The following LDB2 variants were observed in gnomAD, a reference collection of about 807,000 sequenced individuals.
The protein encoded by LDB2 is LIM domain-binding protein 2.
LDB2 carries 12 observed loss-of-function variants against 44.3 expected under a neutral mutation model. The observed-to-expected ratio is 0.27, with a 90% confidence interval of 0.17 to 0.44. The LOEUF is 0.44. Ranked by LOEUF, LDB2 falls within the 20% of genes least tolerant of loss-of-function variation. The pLI is 1.00. For missense variants in LDB2, 344 were observed against 473.5 expected (o/e 0.73, Z 2.54); for synonymous variants, 164 against 174.8 (o/e 0.94, Z 0.49).
At position 16,521,809 on chromosome 4, in the gene LDB2, A is replaced by G. The variant is rs565305731; in HGVS notation, c.616-9705T>C. On this transcript the variant is annotated intron_variant, in intron 5 of 7. Coordinates refer to ENST00000304523, the MANE Select transcript of LDB2 (RefSeq NM_001290.5). ...CATCTTTATAAGCATATGCTATATT[A>G]AATTTCCTCTATTAAATTATGAGGT... Among the ~76,000 whole-genome samples, 7 of 152,312 alleles carry G rather than the reference A, an allele frequency of 4.6e-5. No homozygotes were observed. In the East Asian group the frequency reaches 1.4e-3, roughly 29 times the overall value.
At chr4:16,640,654 A>AT (rs1212015925) in intron 2 of LDB2, among the ~76,000 whole-genome samples, 15 of 152,166 alleles carry the variant, frequency 9.9e-5, no homozygotes, top group African/African-American at 3.6e-4. Context: ...AGTGGGCATT[A>AT]TTTTTATCTT....
intron 1 of LDB2, among the ~76,000 whole-genome samples, chr4:16,843,476 T>C (rs1786292650): frequency 1.3e-5 from 2 of 152,218 alleles, no homozygotes; most frequent in African/African-American, 2.4e-5. Context: ...ATGTTAAATA[T>C]TGAATGCAAG....
intron 1 of LDB2, among the ~76,000 whole-genome samples, chr4:16,850,380 T>C (rs994070053): frequency 6.6e-6 from 1 of 151,996 alleles, no homozygotes; most frequent in Non-Finnish European, 1.5e-5. Flanking sequence ...AAAAAAAAAA[T>C]TTGATGGTTA....
intron 1 of LDB2, among the ~76,000 whole-genome samples, chr4:16,822,258 T>C (rs998901564): frequency 1.3e-5 from 2 of 152,140 alleles, no homozygotes; most frequent in African/African-American, 4.8e-5. Context: ...AATGGCCTGG[T>C]AGTAGGTAGG....
chr4:16,606,571 T>G (rs1003598330), intron 2 of LDB2, among the ~76,000 whole-genome samples: 3 of 152,180 alleles, frequency 2.0e-5, no homozygotes. Context: ...AAAGTTTATC[T>G]GCATGTAAAT....
intron 1 of LDB2, among the ~76,000 whole-genome samples, chr4:16,857,675 C>A (rs1789624635): frequency 6.6e-6 from 1 of 152,200 alleles, no homozygotes; most frequent in Non-Finnish European, 1.5e-5. Flanking sequence ...AGTGGCTCTT[C>A]CCTTTGCCTG....
chr4:16,824,433 C>A (rs1458841027), intron 1 of LDB2, among the ~76,000 whole-genome samples: 1 of 152,208 alleles, frequency 6.6e-6, no homozygotes, highest in Non-Finnish European at 1.5e-5. Flanking sequence ...AATGCTTGTA[C>A]AACCCAGTAA....
intron 2 of LDB2, among the ~76,000 whole-genome samples, chr4:16,728,733 G>A (rs531953313): frequency 2.2e-4 from 34 of 152,278 alleles, no homozygotes; most frequent in Middle Eastern, 3.4e-3. Context: ...CTTTCTGAGG[G>A]CAGGATCATA....
intron 2 of LDB2, among the ~76,000 whole-genome samples, chr4:16,746,805 T>TA (rs1204269707): frequency 2.0e-5 from 3 of 151,818 alleles, no homozygotes; most frequent in East Asian, 1.9e-4. Context: ...AATAACTAAT[T>TA]AAAAAAATGG....
intron 3 of LDB2, among the ~76,000 whole-genome samples, chr4:16,590,740 A>C (rs75173648): frequency 0.021 from 3,160 of 152,310 alleles, 40 homozygotes; most frequent in Middle Eastern, 0.051. Context: ...AATTAGCAGG[A>C]CCTGTGGGTA....
At chr4:16,627,224 C>T (rs965728735) in intron 2 of LDB2, among the ~76,000 whole-genome samples, 11 of 152,138 alleles carry the variant, frequency 7.2e-5, no homozygotes, top group African/African-American at 2.7e-4. Context: ...TGATTTGACA[C>T]GTTATATGCT....
intron 5 of LDB2, among the ~76,000 whole-genome samples, chr4:16,552,781 GA>G (rs1577628994): frequency 6.6e-6 from 1 of 152,260 alleles, no homozygotes; most frequent in East Asian, 1.9e-4. Context: ...GTTTCTTTTT[GA>G]CACTTTCTGA....
At chr4:16,650,453 T>A (rs147249460) in intron 2 of LDB2, among the ~76,000 whole-genome samples, 4 of 152,190 alleles carry the variant, frequency 2.6e-5, no homozygotes, top group African/African-American at 9.7e-5. Flanking sequence ...TGTTGTGTGC[T>A]GGGGTTACAA....
At chr4:16,692,181 G>A (rs1750936232) in intron 2 of LDB2, among the ~76,000 whole-genome samples, 1 of 152,116 alleles carries the variant, frequency 6.6e-6, no homozygotes, top group Non-Finnish European at 1.5e-5. Flanking sequence ...GTGAGTATTA[G>A]GACATCAAAA....
At chr4:16,626,423 T>C (rs543492671) in intron 2 of LDB2, among the ~76,000 whole-genome samples, 2 of 152,204 alleles carry the variant, frequency 1.3e-5, no homozygotes, top group Non-Finnish European at 2.9e-5. Context: ...GGGAGACACA[T>C]CATCATAAAG....
chr4:16,863,654 C>T (rs1367048502), intron 1 of LDB2, among the ~76,000 whole-genome samples: 2 of 99,878 alleles, frequency 2.0e-5, no homozygotes, highest in South Asian at 3.9e-4. Flanking sequence ...GACTCACATT[C>T]TCTTTTTTTT....
intron 2 of LDB2, among the ~76,000 whole-genome samples, chr4:16,752,640 A>G (rs1765707249): frequency 6.6e-6 from 1 of 152,134 alleles, no homozygotes; most frequent in South Asian, 2.1e-4. Context: ...ATATTTATTT[A>G]CTCTGTGCTT....
intron 4 of LDB2, 48 bp from the exon 5 acceptor site, chr4:16,586,053 C>T: frequency 7.0e-7 from 1 of 1,426,702 alleles, no homozygotes; most frequent in Middle Eastern, 1.8e-4. Flanking sequence ...ACAGGACGGT[C>T]CTGAGAAAAT....
intron 1 of LDB2, among the ~76,000 whole-genome samples, chr4:16,798,712 C>T (rs796924437): frequency 5.9e-5 from 9 of 152,234 alleles, no homozygotes; most frequent in African/African-American, 2.2e-4. Context: ...TTCAGCTCAC[C>T]TCCCTACAAC....
Sources: gnomAD v4.1 joint callset for allele counts (sites outside exome capture counted in the v4.1 genomes callset) on GRCh38, gnomAD v4.1.1 for gene constraint, MANE v1.5 for transcripts, NCBI Gene and HGNC (gene_info 2026-07-23, HGNC 2026-07-21) for gene names.